Variants in BRINP1 observed in about 807,000 individuals in gnomAD.
The protein encoded by BRINP1 is BMP/retinoic acid-inducible neural-specific protein 1.
A neutral mutation model predicts 72.9 loss-of-function variants in BRINP1; 17 were observed. The ratio of observed to expected loss-of-function variants is 0.23; its 90% CI spans 0.16 to 0.35. The LOEUF (loss-of-function observed/expected upper bound fraction) is 0.35. BRINP1 is among the 10% of genes least tolerant of loss of function. The pLI is 1.00. For synonymous variants in BRINP1, 418 were observed against 378.5 expected, an observed-to-expected ratio of 1.10 and a Z score of -1.21; for missense variants, 850 against 1,001.6, an observed-to-expected ratio of 0.85 and a Z score of 2.04.
intron 1 of BRINP1, among the ~76,000 whole-genome samples, chr9:119,365,023 G>A (rs1394389183): frequency 2.0e-5 from 3 of 152,224 alleles, no homozygotes; most frequent in Admixed American, 2.0e-4. Flanking sequence ...ACTACTCTGT[G>A]TCAGTCCCTG....
chr9:119,215,732 G>C lies in BRINP1; in HGVS notation c.686-1577C>G, dbSNP rs1396621869. Among the ~76,000 whole-genome samples, 3 of 152,276 alleles carry C rather than the reference G, an allele frequency of 2.0e-5. No homozygotes were observed. In the East Asian group the frequency reaches 5.8e-4, roughly 29 times the overall value. On this transcript the variant is annotated intron_variant, in intron 5 of 7. Coordinates refer to ENST00000265922, the MANE Select transcript of BRINP1 (RefSeq NM_014618.3). Reference sequence around the variant, plus strand: ...TGGCAGCTAAAAGAGAATATTTTCAGAGGGACATTGTGGGAAAGAAGATGA... The same window carrying C: ...TGGCAGCTAAAAGAGAATATTTTCACAGGGACATTGTGGGAAAGAAGATGA...
At chr9:119,219,640 G>C (rs552593723) in intron 5 of BRINP1, among the ~76,000 whole-genome samples, 4 of 139,626 alleles carry the variant, frequency 2.9e-5, no homozygotes, top group Admixed American at 1.5e-4. Flanking sequence ...AGGTCTTACT[G>C]TTTACTGAGA....
At chr9:119,178,756 A>G (rs1368282782) in intron 7 of BRINP1, among the ~76,000 whole-genome samples, 3 of 152,200 alleles carry the variant, frequency 2.0e-5, no homozygotes, top group Admixed American at 2.0e-4. Flanking sequence ...GAGATCACAA[A>G]ATTTGGTATC....
chr9:119,238,084 C>T (rs1447431016), intron 5 of BRINP1, among the ~76,000 whole-genome samples: 1 of 152,072 alleles, frequency 6.6e-6, no homozygotes, highest in Non-Finnish European at 1.5e-5. Context: ...ACATCAGTAC[C>T]AGTTTAATAT....
At position 119,215,272 on chromosome 9, in the gene BRINP1, G is replaced by A. The variant is rs536170018; in HGVS notation, c.686-1117C>T. Among the ~76,000 whole-genome samples the A allele has an allele frequency of 1.2e-4, 19 of 152,280 alleles. No homozygotes were observed. The Middle Eastern group carries it at 0.01, about 82-fold the overall frequency. On this transcript the variant is annotated intron_variant, in intron 5 of 7. Transcript: ENST00000265922. ...TGAATATTCAAAGTCTTAATACAGAGAGCCAATGATAGAGAAGGATTTATT... is the reference window on the plus strand; with the variant it reads ...TGAATATTCAAAGTCTTAATACAGAAAGCCAATGATAGAGAAGGATTTATT...
chr9:119,307,125 C>T (rs886168648), intron 2 of BRINP1, among the ~76,000 whole-genome samples: 3 of 151,790 alleles, frequency 2.0e-5, no homozygotes, highest in Admixed American at 1.3e-4. Flanking sequence ...CATCCCAGAT[C>T]CCTGCTTGCT....
chr9:119,257,779 C>T (rs1432441397), intron 2 of BRINP1, among the ~76,000 whole-genome samples: 1 of 152,162 alleles, frequency 6.6e-6, no homozygotes, highest in African/African-American at 2.4e-5. Context: ...TCGCTCCCCA[C>T]ACGATCCTCA....
chr9:119,304,687 C>T (rs1444312258), intron 2 of BRINP1, among the ~76,000 whole-genome samples: 2 of 152,360 alleles, frequency 1.3e-5, no homozygotes, highest in East Asian at 3.9e-4. Context: ...GAATTGGAGT[C>T]TGTAAGCCTG....
Position 119,168,169 on chromosome 9 carries a change from C to T in BRINP1, c.1201G>A (p.Gly401Arg). 2 of 1,575,638 alleles carry T rather than the reference C, an allele frequency of 1.3e-6. No individual in the cohort carries two copies. Among genetic ancestry groups the T allele is most frequent in the South Asian group, 2.3e-5 (2 of 85,110 alleles). ...CTCTCCAGGAAGGTTCCCCAAAACCCATTCTCATTACAGTAGAGGAGTGAC... is the reference window on the plus strand; with the variant it reads ...CTCTCCAGGAAGGTTCCCCAAAACCTATTCTCATTACAGTAGAGGAGTGAC... ...VQSLLYCNENGFWGTFLESQR... is the reference protein window; with the variant it reads ...VQSLLYCNENRFWGTFLESQR... The change falls in exon 8 of 8, where the codon GGG becomes AGG. Residue 401 changes from glycine (G) to arginine (R), a missense_variant. Gly to Arg is a moderately radical substitution (Grantham distance 125, BLOSUM62 -2). Transcript: ENST00000265922.
intron 2 of BRINP1, among the ~76,000 whole-genome samples, chr9:119,252,553 CGTGTGTGT>C (rs149734478): frequency 1.4e-5 from 2 of 145,628 alleles, no homozygotes; most frequent in Non-Finnish European, 3.1e-5. Context: ...TATAGTCATA[CGTGTGTGT>C]GTGTGTGTGT....
rs59715609 is a variant in BRINP1, at chr9:119,294,853, T to TAAAAAAAAA, written c.218+18276_218+18284dup. Among the ~76,000 whole-genome samples the TAAAAAAAAA allele has an allele frequency of 1.3e-4, 17 of 128,006 alleles. 1 individual carries two copies. The highest frequency in any genetic ancestry group is 2.3e-4 in the East Asian group (1 of 4,388). 84.0% of individuals were successfully genotyped at this position (128,006 alleles called of 152,430 possible). A position where few individuals can be genotyped will look rare whatever the true frequency, so the allele number is the denominator to read the frequency against. ...CCTGAGCAACAGAGTGACACTACGT[T>TAAAAAAAAA]AAAAAAAAAAAAAAAAAAGACACAC... On this transcript the variant is annotated intron_variant, in intron 2 of 7. Coordinates refer to ENST00000265922, the MANE Select transcript of BRINP1 (RefSeq NM_014618.3).
chr9:119,186,358 C>T (rs1054211550), intron 7 of BRINP1, among the ~76,000 whole-genome samples: 1 of 152,180 alleles, frequency 6.6e-6, no homozygotes, highest in African/African-American at 2.4e-5. Flanking sequence ...AGAGAAGCCT[C>T]ACTTTCTGGA....
At chr9:119,176,802 T>C (rs78542717) in intron 7 of BRINP1, among the ~76,000 whole-genome samples, 36 of 152,348 alleles carry the variant, frequency 2.4e-4, no homozygotes, top group African/African-American at 8.2e-4. Context: ...ACCATTTTGT[T>C]ATATCCATTT....
intron 2 of BRINP1, among the ~76,000 whole-genome samples, chr9:119,304,042 C>A (rs538249709): frequency 1.3e-5 from 2 of 151,690 alleles, no homozygotes; most frequent in East Asian, 2.0e-4. Flanking sequence ...ACCGTGCCTG[C>A]CTAATTTTTG....
At chr9:119,213,503 G>A in intron 6 of BRINP1, 1 of 263,826 alleles carries the variant, frequency 3.8e-6, no homozygotes, top group Non-Finnish European at 7.2e-6. Context: ...TACACATAGA[G>A]GTATGTTTAT....
At chr9:119,274,765 A>G (rs1412195563) in intron 2 of BRINP1, among the ~76,000 whole-genome samples, 2 of 152,200 alleles carry the variant, frequency 1.3e-5, no homozygotes, top group Admixed American at 1.3e-4. Context: ...TAGTGACATT[A>G]TCAGAATCCT....
chr9:119,171,831 C>A (rs1398416470), intron 7 of BRINP1, among the ~76,000 whole-genome samples: 2 of 118,064 alleles, frequency 1.7e-5, no homozygotes, highest in Non-Finnish European at 3.4e-5. Context: ...AAGAATCTCA[C>A]TCAAAACTGC....
intron 1 of BRINP1, 89 bp from the exon 2 acceptor site, chr9:119,313,494 C>T (rs1831090932): frequency 8.1e-7 from 1 of 1,239,624 alleles, no homozygotes; most frequent in Non-Finnish European, 1.1e-6. Flanking sequence ...GAAAAAGACA[C>T]AGGAAAAGAA....
intron 2 of BRINP1, among the ~76,000 whole-genome samples, chr9:119,272,007 T>C (rs1175910408): frequency 6.6e-6 from 1 of 151,846 alleles, no homozygotes; most frequent in Non-Finnish European, 1.5e-5. Flanking sequence ...TTTTAAAAAT[T>C]TTTTGAAAAT....
Sources: gnomAD v4.1 joint callset for allele counts (sites outside exome capture counted in the v4.1 genomes callset) on GRCh38, gnomAD v4.1.1 for gene constraint, MANE v1.5 for transcripts, NCBI Gene and HGNC (gene_info 2026-07-23, HGNC 2026-07-21) for gene names.